Variants in RBMS3 observed in about 807,000 individuals in gnomAD.
RBMS3 encodes RNA-binding motif, single-stranded-interacting protein 3.
Under a neutral mutation model 66.8 loss-of-function variants are expected in RBMS3, and 27 were observed. The observed-to-expected ratio is 0.40, with a 90% CI of 0.30 to 0.56. The LOEUF (loss-of-function observed/expected upper bound fraction) is 0.56. Ranked by LOEUF, RBMS3 falls within the 20% of genes least tolerant of loss-of-function variation. RBMS3 has a pLI of 0.40. For missense variants in RBMS3, 513 were observed against 549.5 expected (o/e 0.93, Z 0.66); for synonymous variants, 188 against 183.0 (o/e 1.03, Z -0.22).
intron 1 of RBMS3, among the ~76,000 whole-genome samples, chr3:29,325,135 A>G (rs951821720): frequency 1.3e-5 from 2 of 152,172 alleles, no homozygotes; most frequent in African/African-American, 4.8e-5. Flanking sequence ...GAATCAGGAA[A>G]CACTCTATGT....
intron 1 of RBMS3, among the ~76,000 whole-genome samples, chr3:29,399,864 A>G (rs918672970): frequency 1.3e-5 from 2 of 152,134 alleles, no homozygotes; most frequent in African/African-American, 4.8e-5. Flanking sequence ...AACTAATTGT[A>G]TTTGTCACAG....
intron 2 of RBMS3, among the ~76,000 whole-genome samples, chr3:29,457,723 C>G (rs1023794002): frequency 1.3e-5 from 2 of 151,694 alleles, no homozygotes; most frequent in Admixed American, 6.6e-5. Flanking sequence ...TCAGTAACAA[C>G]AAAAAAGATT....
At chr3:29,838,351 A>G (rs957290349) in intron 6 of RBMS3, among the ~76,000 whole-genome samples, 3 of 152,054 alleles carry the variant, frequency 2.0e-5, no homozygotes, top group Non-Finnish European at 2.9e-5. Context: ...AATAAATAAA[A>G]TAAATAAATA....
rs1239573618 is a variant in RBMS3, at chr3:29,769,578, G to A, written c.637+6589G>A. Among the ~76,000 whole-genome samples the A allele has an allele frequency of 2.0e-5, 3 of 151,838 alleles. No individual in the cohort carries two copies. The East Asian group carries it at 5.8e-4, about 30-fold the overall frequency. On this transcript the variant is annotated intron_variant, in intron 6 of 14. Coordinates refer to ENST00000383767, the MANE Select transcript of RBMS3 (RefSeq NM_001003793.3). ...ATTGCCTCTTGAAGTTCTAATCTTG[G>A]TAGGAGCAGGTTAAGTGAATAGTGA... is the stretch of plus-strand genomic sequence containing the variant.
intron 6 of RBMS3, among the ~76,000 whole-genome samples, chr3:29,796,712 C>CTTCTTTTTTTTTT: frequency 8.7e-6 from 1 of 115,288 alleles, no homozygotes; most frequent in Non-Finnish European, 1.7e-5. Context: ...TGAAAGGAAT[C>CTTCTTTTTTTTTT]TTTTTTTTTT....
At chr3:29,502,723 T>C (rs1040980225) in intron 3 of RBMS3, among the ~76,000 whole-genome samples, 2 of 152,198 alleles carry the variant, frequency 1.3e-5, no homozygotes, top group Non-Finnish European at 2.9e-5. Flanking sequence ...TTTGCACTTA[T>C]GTTGGCAAAT....
At chr3:29,643,763 T>C (rs9879152) in intron 4 of RBMS3, among the ~76,000 whole-genome samples, 45,755 of 151,970 alleles carry the variant, frequency 0.3, 7,149 homozygotes, top group East Asian at 0.37. Context: ...AGACAGTTAA[T>C]GGATATTTAG....
At chr3:29,816,879 C>G (rs951113047) in intron 6 of RBMS3, among the ~76,000 whole-genome samples, 3 of 151,980 alleles carry the variant, frequency 2.0e-5, no homozygotes, top group Non-Finnish European at 4.4e-5. Context: ...ATCACGAGGT[C>G]AGGAGTTCGA....
intron 12 of RBMS3, among the ~76,000 whole-genome samples, chr3:29,958,296 C>G (rs559277837): frequency 6.6e-6 from 1 of 152,216 alleles, no homozygotes; most frequent in East Asian, 1.9e-4. Flanking sequence ...ATCAATTAAT[C>G]TTTTGAAAGC....
intron 1 of RBMS3, among the ~76,000 whole-genome samples, chr3:29,365,307 C>G (rs2037835672): frequency 8.0e-6 from 1 of 125,752 alleles, no homozygotes; most frequent in South Asian, 2.6e-4. Flanking sequence ...AATATCAAAG[C>G]AAATTAGGAG....
intron 2 of RBMS3, among the ~76,000 whole-genome samples, chr3:29,479,917 G>A (rs1231484390): frequency 5.3e-5 from 8 of 152,188 alleles, no homozygotes; most frequent in Non-Finnish European, 7.3e-5. Flanking sequence ...CAGTTGAAGC[G>A]TAAGTTCTCC....
chr3:29,522,873 A>G (rs930223398), intron 3 of RBMS3, among the ~76,000 whole-genome samples: 1 of 152,052 alleles, frequency 6.6e-6, no homozygotes, highest in Non-Finnish European at 1.5e-5. Flanking sequence ...TGTTTTGTGG[A>G]GCTGTCATTT....
rs539893336 is a variant in RBMS3, at chr3:29,281,392, T to C, written c.-290T>C. 63 of 472,730 alleles carry C rather than the reference T, an allele frequency of 1.3e-4. 3 individuals carry two copies. In the South Asian group the frequency reaches 1.8e-3, roughly 13 times the overall value. 29.3% of individuals were successfully genotyped at this position (472,730 alleles called of 1,614,324 possible). A position where few individuals can be genotyped will look rare whatever the true frequency, so the allele number is the denominator to read the frequency against. ...AGAGAACAAACTGCCTCATCCCAAG[T>C]GGACCCCGGCAGCTGGGGGAAGCCA... is the stretch of plus-strand genomic sequence containing the variant. On this transcript the variant is annotated 5_prime_UTR_variant, in exon 1 of 15. Transcript: ENST00000383767.
chr3:29,364,294 G>A (rs1291099101), intron 1 of RBMS3, among the ~76,000 whole-genome samples: 1 of 152,112 alleles, frequency 6.6e-6, no homozygotes, highest in Admixed American at 6.6e-5. Flanking sequence ...AAAAACATTA[G>A]CAGAGAATAA....
chr3:29,539,121 C>T (rs916637532), intron 3 of RBMS3, among the ~76,000 whole-genome samples: 1 of 152,108 alleles, frequency 6.6e-6, no homozygotes, highest in African/African-American at 2.4e-5. Context: ...TCTGCATACA[C>T]TATTACAGCT....
At chr3:29,352,033 A>C (rs930288900) in intron 1 of RBMS3, among the ~76,000 whole-genome samples, 2 of 152,008 alleles carry the variant, frequency 1.3e-5, no homozygotes, top group African/African-American at 4.8e-5. Flanking sequence ...GTCATTATGG[A>C]TTTAATTCTC....
At chr3:29,810,761 A>C (rs892345246) in intron 6 of RBMS3, among the ~76,000 whole-genome samples, 2 of 152,190 alleles carry the variant, frequency 1.3e-5, no homozygotes, top group African/African-American at 4.8e-5. Flanking sequence ...ATTTCTCTTA[A>C]CACTCTTGAA....
chr3:29,553,491 C>A (rs1162978765), intron 3 of RBMS3, among the ~76,000 whole-genome samples: 1 of 152,018 alleles, frequency 6.6e-6, no homozygotes, highest in Non-Finnish European at 1.5e-5. Flanking sequence ...ATTGATGAGT[C>A]CTTGAATGCA....
intron 3 of RBMS3, among the ~76,000 whole-genome samples, chr3:29,570,172 C>T (rs879267600): frequency 3.3e-5 from 5 of 151,564 alleles, no homozygotes; most frequent in African/African-American, 4.8e-5. Context: ...TAGTCATTTT[C>T]TTATTTTTGA....
Sources: gnomAD v4.1 joint callset for allele counts (sites outside exome capture counted in the v4.1 genomes callset) on GRCh38, gnomAD v4.1.1 for gene constraint, MANE v1.5 for transcripts, NCBI Gene and HGNC (gene_info 2026-07-23, HGNC 2026-07-21) for gene names.